Variants in NIPAL2 observed in about 807,000 individuals in gnomAD.
NIPAL2 encodes the protein NIPA like domain containing 2, also known as NIPA-like protein 2.
Under a neutral mutation model 48.9 loss-of-function variants are expected in NIPAL2, and 43 were observed. The ratio of observed to expected loss-of-function variants is 0.88; its 90% CI spans 0.69 to 1.13. NIPAL2 has a LOEUF of 1.13. Among genes scored for constraint, NIPAL2 ranks in the 50% most tolerant of loss-of-function variants. The pLI, the probability that NIPAL2 is intolerant of heterozygous loss-of-function variation, is 0.00. For missense variants in NIPAL2, 446 were observed against 461.4 expected (o/e 0.97, Z 0.31); for synonymous variants, 167 against 174.6 (o/e 0.96, Z 0.34).
intron 3 of NIPAL2, among the ~76,000 whole-genome samples, chr8:98,241,547 A>G (rs1316642640): frequency 3.9e-5 from 6 of 152,204 alleles, no homozygotes. Context: ...CTAAGGAAGT[A>G]TTCCAAAAAA....
At chr8:98,197,947 C>T (rs13439613) in intron 8 of NIPAL2, among the ~76,000 whole-genome samples, 36,491 of 152,182 alleles carry the variant, frequency 0.24, 4,505 homozygotes, top group Non-Finnish European at 0.28. Flanking sequence ...TTAGCCTCCT[C>T]CCATGAATCA....
intron 4 of NIPAL2, among the ~76,000 whole-genome samples, chr8:98,232,776 C>T (rs1243231901): frequency 6.6e-6 from 1 of 152,092 alleles, no homozygotes. Context: ...TACCAGATTG[C>T]CATTGTTAGG....
intron 3 of NIPAL2, among the ~76,000 whole-genome samples, chr8:98,238,133 C>A (rs552233747): frequency 1.3e-5 from 2 of 152,298 alleles, no homozygotes; most frequent in East Asian, 3.9e-4. Flanking sequence ...TAAACTGAAC[C>A]TCTCTGAGTT....
chr8:98,210,006 T>A (rs1227143696), intron 6 of NIPAL2, among the ~76,000 whole-genome samples: 1 of 152,114 alleles, frequency 6.6e-6, no homozygotes, highest in Non-Finnish European at 1.5e-5. Context: ...CATATCTATC[T>A]ATCATTTCTA....
At chr8:98,233,583 G>A (rs1812554493) in intron 4 of NIPAL2, among the ~76,000 whole-genome samples, 1 of 152,214 alleles carries the variant, frequency 6.6e-6, no homozygotes, top group Admixed American at 6.5e-5. Flanking sequence ...TGCCTGTACA[G>A]TTGATAGCCA....
chr8:98,193,435 T>C, intron 10 of NIPAL2: 1 of 1,613,486 alleles, frequency 6.2e-7, no homozygotes, highest in South Asian at 1.1e-5. Context: ...GTCGAATGCA[T>C]ATAACAACAT....
chr8:98,198,964 T>C (rs1285771965), intron 8 of NIPAL2, among the ~76,000 whole-genome samples: 2 of 151,582 alleles, frequency 1.3e-5, no homozygotes, highest in Non-Finnish European at 1.5e-5. Flanking sequence ...CTTTTCTTTT[T>C]TTTTTTTTTG....
At chr8:98,280,939 C>A (rs1815795663) in intron 1 of NIPAL2, among the ~76,000 whole-genome samples, 1 of 151,476 alleles carries the variant, frequency 6.6e-6, no homozygotes, top group Non-Finnish European at 1.5e-5. Context: ...CCCTCCTTTG[C>A]AGGCTCAGTG....
chr8:98,281,792 C>T (rs979528619), intron 1 of NIPAL2, among the ~76,000 whole-genome samples: 3 of 152,238 alleles, frequency 2.0e-5, no homozygotes, highest in African/African-American at 7.2e-5. Context: ...AGGGTAGGGA[C>T]TGTACTTGTT....
chr8:98,239,319 G>A (rs1234092795), intron 3 of NIPAL2, among the ~76,000 whole-genome samples: 15 of 152,164 alleles, frequency 9.9e-5, no homozygotes, highest in Admixed American at 9.8e-4. Context: ...ATATTTCCTT[G>A]CTCTCAGTCC....
intron 3 of NIPAL2, among the ~76,000 whole-genome samples, chr8:98,246,995 C>G (rs1316275256): frequency 6.6e-6 from 1 of 152,128 alleles, no homozygotes; most frequent in Non-Finnish European, 1.5e-5. Flanking sequence ...TTAGGCATAG[C>G]ATAGATCACA....
intron 3 of NIPAL2, among the ~76,000 whole-genome samples, chr8:98,241,850 C>G (rs915469941): frequency 2.6e-5 from 4 of 152,142 alleles, no homozygotes; most frequent in Non-Finnish European, 1.5e-5. Context: ...CTCCCAGCGT[C>G]TCAATGAGAT....
At chr8:98,280,847 G>C (rs1030779221) in intron 1 of NIPAL2, among the ~76,000 whole-genome samples, 13 of 149,636 alleles carry the variant, frequency 8.7e-5, no homozygotes, top group African/African-American at 3.0e-4. Flanking sequence ...CTCCAGGTGA[G>C]GGACATATGG....
At position 98,259,567 on chromosome 8, in the gene NIPAL2, G is replaced by T. The variant is rs192663559; in HGVS notation, c.136-5480C>A. On this transcript the variant is annotated intron_variant, in intron 1 of 10. Transcript: ENST00000430223. Reference sequence around the variant, plus strand: ...TCCGTGCCCTTGGCCAGGTAGTCTTGTACCTCCACCTGTTAGGAAAAACAG... The same window carrying T: ...TCCGTGCCCTTGGCCAGGTAGTCTTTTACCTCCACCTGTTAGGAAAAACAG... Among the ~76,000 whole-genome samples the T allele has an allele frequency of 3.3e-3, 499 of 152,238 alleles. 7 individuals carry two copies. The highest frequency in any genetic ancestry group is 0.018 in the Admixed American group (273 of 15,298).
At chr8:98,236,126 A>G in intron 4 of NIPAL2, 29 bp downstream of exon 4, 2 of 1,442,172 alleles carry the variant, frequency 1.4e-6, no homozygotes, top group South Asian at 1.2e-5. Context: ...AAGCAATGCT[A>G]CAATTACATG....
chr8:98,232,517 C>T (rs1055492432), intron 4 of NIPAL2, among the ~76,000 whole-genome samples: 1 of 152,084 alleles, frequency 6.6e-6, no homozygotes, highest in Non-Finnish European at 1.5e-5. Context: ...TTATTGAACA[C>T]ATTATGTGAT....
At chr8:98,215,999 C>T (rs1811557459) in intron 5 of NIPAL2, among the ~76,000 whole-genome samples, 1 of 152,194 alleles carries the variant, frequency 6.6e-6, no homozygotes. Flanking sequence ...CTGGATGCCC[C>T]ACTGCCAGTA....
chr8:98,235,401 T>TA lies in NIPAL2; in HGVS notation c.436+753_436+754insT, dbSNP rs1812652880. On this transcript the variant is annotated intron_variant, in intron 4 of 10. Transcript: ENST00000430223. ...TTACAGCCAGGAAGGCTACTGTCAT[T>TA]TTCCATTAATAACTGTATTTCCAAA... 2.6e-5 allele frequency among the ~76,000 whole-genome samples: 4 copies of TA among 152,362 alleles called. No homozygotes were observed. The South Asian group carries it at 8.3e-4, about 32-fold the overall frequency.
At chr8:98,237,482 C>G (rs1812777606) in intron 3 of NIPAL2, among the ~76,000 whole-genome samples, 1 of 152,030 alleles carries the variant, frequency 6.6e-6, no homozygotes, top group South Asian at 2.1e-4. Context: ...CCCCTTTTCC[C>G]CTTTCCCCAT....
Sources: gnomAD v4.1 joint callset for allele counts (sites outside exome capture counted in the v4.1 genomes callset) on GRCh38, gnomAD v4.1.1 for gene constraint, MANE v1.5 for transcripts, NCBI Gene and HGNC (gene_info 2026-07-23, HGNC 2026-07-21) for gene names.